Variants in TLCD4 observed in about 807,000 individuals in gnomAD.
The protein encoded by TLCD4 is TLC domain-containing protein 4.
Under a neutral mutation model 24.2 loss-of-function variants are expected in TLCD4, and 7 were observed. The observed-to-expected ratio is 0.29, with a 90% CI of 0.16 to 0.54. The LOEUF is 0.54. Among genes scored for constraint, TLCD4 ranks in the 20% least tolerant of loss-of-function variants. The pLI is 0.95. For synonymous variants in TLCD4, 103 were observed against 106.4 expected (o/e 0.97, Z 0.20); for missense variants, 259 against 313.9 (o/e 0.82, Z 1.32).
intron 5 of TLCD4, among the ~76,000 whole-genome samples, chr1:95,161,670 T>C (rs1677813636): frequency 6.6e-6 from 1 of 152,224 alleles, no homozygotes; most frequent in Admixed American, 6.5e-5. Context: ...CACCCTGCTT[T>C]AAATGTGTCC....
rs60956010 is a variant in TLCD4 at position 95,188,389 on chromosome 1, G to GAAA, written c.474-3143_474-3141dup. Among the ~76,000 whole-genome samples the GAAA allele has an allele frequency of 3.0e-3, 311 of 104,356 alleles. 8 individuals are homozygous for GAAA. The highest frequency in any genetic ancestry group is 0.024 in the Middle Eastern group (4 of 170). The allele number at this position is 104,356 out of a possible 152,430, so 68.5% of individuals were successfully genotyped here. On this transcript the variant is annotated intron_variant, in intron 6 of 6. Transcript: ENST00000370203. ...GGCGACAGAGCGAGACTCCGTCTCA[G>GAAA]AAAAAAAAAAAAAAAAAAAAGAATT...
intron 5 of TLCD4, 77 bp from the exon 6 acceptor site, chr1:95,173,739 A>G: frequency 6.3e-7 from 1 of 1,586,076 alleles, no homozygotes; most frequent in South Asian, 1.1e-5. Flanking sequence ...CTGAGAAGCT[A>G]TTGGATATTT....
chr1:95,182,830 CT>C (rs550950515), intron 6 of TLCD4, among the ~76,000 whole-genome samples: 52 of 148,240 alleles, frequency 3.5e-4, no homozygotes, highest in African/African-American at 1.1e-3. Context: ...TGTTTTAGGA[CT>C]TTTTTTTTTA....
chr1:95,159,488 G>A (rs1041002024), intron 5 of TLCD4, among the ~76,000 whole-genome samples: 6 of 152,254 alleles, frequency 3.9e-5, no homozygotes, highest in Non-Finnish European at 8.8e-5. Flanking sequence ...TTCTTTTGCT[G>A]TGCAGAAGCT....
intron 6 of TLCD4, among the ~76,000 whole-genome samples, chr1:95,179,812 T>G (rs578026131): frequency 4.6e-5 from 7 of 152,136 alleles, no homozygotes; most frequent in Admixed American, 2.6e-4. Context: ...AACCCTCATC[T>G]CACACCAGCT....
At chr1:95,150,081 A>C (rs1677450992) in intron 3 of TLCD4, 127 bp from the exon 4 acceptor site, 3 of 1,296,414 alleles carry the variant, frequency 2.3e-6, no homozygotes, top group Non-Finnish European at 3.1e-6. Flanking sequence ...TTTTATTTGA[A>C]GATGACAGCT....
chr1:95,108,177 AT>A, the TLCD4 span, among the ~76,000 whole-genome samples: 1 of 151,778 alleles, frequency 6.6e-6, no homozygotes. Flanking sequence ...AATATCAGAT[AT>A]TTTTTCCAGT....
At chr1:95,095,467 G>A in the TLCD4 span, among the ~76,000 whole-genome samples, 2 of 151,858 alleles carry the variant, frequency 1.3e-5, no homozygotes, top group African/African-American at 4.8e-5. Context: ...GCGTGATCTC[G>A]GCTCACTGCA....
At position 95,181,606 on chromosome 1, in the gene TLCD4, T is replaced by TA. The variant is rs201564585; in HGVS notation, c.473+7717_473+7718insA. ...TTATTTATTTATTTATTTATTTATT[T>TA]TTTTTTTTGAGATGGAGTCTCGCAT... On this transcript the variant is annotated intron_variant, in intron 6 of 6. Coordinates refer to ENST00000370203, the MANE Select transcript of TLCD4 (RefSeq NM_152487.3). Among the ~76,000 whole-genome samples, 576 of 146,828 alleles carry TA rather than the reference T, an allele frequency of 3.9e-3. 1 individual carries two copies. Among genetic ancestry groups the TA allele is most frequent in the East Asian group, 0.021 (106 of 5,158 alleles).
Position 95,151,400 on chromosome 1 carries a change from A to T in TLCD4, c.380A>T (p.Tyr127Phe), listed in dbSNP as rs544972583. Residue 127 changes from tyrosine (Y) to phenylalanine (F), a missense_variant, in exon 5 of 7, where the codon TAT becomes TTT. Tyr to Phe is a conservative substitution (Grantham distance 22, BLOSUM62 3). Coordinates refer to ENST00000370203, the MANE Select transcript of TLCD4 (RefSeq NM_152487.3). The part of the protein sequence containing the change: ...FFIMHHCASL[Y>F]AYYLVLKNGV... ...ATAATGCATCATTGTGCGTCCCTGT[A>T]TGCATACTACCTTGTACTGGTGAGT... 1.1e-5 allele frequency: 18 copies of T among 1,613,232 alleles called. No homozygotes were observed. The Admixed American group carries it at 3.0e-4, about 27-fold the overall frequency.
At chr1:95,170,290 G>A (rs1438104500) in intron 5 of TLCD4, among the ~76,000 whole-genome samples, 6 of 150,208 alleles carry the variant, frequency 4.0e-5, no homozygotes, top group Non-Finnish European at 7.4e-5. Flanking sequence ...TTACATACAT[G>A]AATCTGTCTT....
chr1:95,186,741 C>A (rs1678843129), intron 6 of TLCD4, among the ~76,000 whole-genome samples: 1 of 152,146 alleles, frequency 6.6e-6, no homozygotes, highest in Non-Finnish European at 1.5e-5. Flanking sequence ...TGATGTTTTT[C>A]CTATTTGCAG....
intron 5 of TLCD4, among the ~76,000 whole-genome samples, chr1:95,171,641 A>G (rs1293294044): frequency 6.6e-6 from 1 of 152,202 alleles, no homozygotes; most frequent in Non-Finnish European, 1.5e-5. Flanking sequence ...TTATTATTGT[A>G]TATGGAAATC....
intron 1 of TLCD4, among the ~76,000 whole-genome samples, chr1:95,131,160 G>T (rs1436722211): frequency 4.6e-5 from 7 of 152,198 alleles, no homozygotes. Context: ...CCCTTATGGG[G>T]CATACATTCC....
chr1:95,127,981 G>T (rs1437962869), intron 1 of TLCD4, among the ~76,000 whole-genome samples: 1 of 152,180 alleles, frequency 6.6e-6, no homozygotes, highest in African/African-American at 2.4e-5. Context: ...AAGTGAGTCT[G>T]TAGTCCCAGA....
chr1:95,134,268 A>C (rs1384027111), intron 1 of TLCD4, among the ~76,000 whole-genome samples: 22 of 152,110 alleles, frequency 1.4e-4, no homozygotes, highest in Admixed American at 1.4e-3. Flanking sequence ...AGCCAGGGCT[A>C]ATGTCTTTGA....
At chr1:95,158,575 T>G (rs1571752564) in intron 5 of TLCD4, among the ~76,000 whole-genome samples, 1 of 152,062 alleles carries the variant, frequency 6.6e-6, no homozygotes, top group East Asian at 1.9e-4. Context: ...TTGTTACATA[T>G]GTATACATGT....
At chr1:95,100,535 A>T in the TLCD4 span, among the ~76,000 whole-genome samples, 1 of 152,196 alleles carries the variant, frequency 6.6e-6, no homozygotes, top group African/African-American at 2.4e-5. Context: ...AGATTGTGCC[A>T]CTGCACACCA....
the TLCD4 span, among the ~76,000 whole-genome samples, chr1:95,105,419 T>C: frequency 6.6e-6 from 1 of 152,200 alleles, no homozygotes; most frequent in African/African-American, 2.4e-5. Context: ...TTGTGAGACT[T>C]AGAATTGTAC....
Sources: allele counts gnomAD v4.1 joint callset (sites outside exome capture counted in the v4.1 genomes callset), GRCh38; gene constraint gnomAD v4.1.1; transcripts MANE v1.5; gene names NCBI Gene and HGNC (gene_info 2026-07-23, HGNC 2026-07-21).